BICD2: variants seen among roughly 807,000 people sequenced by gnomAD.
BICD2 encodes protein bicaudal D homolog 2.
Under a neutral mutation model 72.9 loss-of-function variants are expected in BICD2, and 25 were observed. The observed-to-expected ratio is 0.34, with a 90% CI of 0.25 to 0.48. The LOEUF is 0.48. Among genes scored for constraint, BICD2 ranks in the 20% least tolerant of loss-of-function variants. The probability of loss-of-function intolerance (pLI) is 0.99; values close to 1 mark genes in which losing one functional copy is unlikely to be tolerated. For synonymous variants in BICD2, 501 were observed against 516.1 expected (o/e 0.97, Z 0.40); for missense variants, 894 against 1,175.2 (o/e 0.76, Z 3.50).
intron 2 of BICD2, among the ~76,000 whole-genome samples, chr9:92,726,359 G>T (rs1202771009): frequency 6.6e-6 from 1 of 152,184 alleles, no homozygotes; most frequent in African/African-American, 2.4e-5. Flanking sequence ...GAAAAAAGGG[G>T]AGGGGCTGTT....
At chr9:92,743,952 G>A (rs1564069410) in intron 1 of BICD2, among the ~76,000 whole-genome samples, 1 of 152,208 alleles carries the variant, frequency 6.6e-6, no homozygotes, top group Non-Finnish European at 1.5e-5. Flanking sequence ...ATACTGATCA[G>A]AATGGCTAGT....
chr9:92,757,312 C>CAAAA lies in BICD2; in HGVS notation c.240+7189_240+7192dup, dbSNP rs1169381290. ...CTGGGCGACAGAACGAGACTGTCTC[C>CAAAA]AAAAAAAAAAAAAAAAAAAAAAAAA... is the stretch of plus-strand genomic sequence containing the variant. On this transcript the variant is annotated intron_variant, in intron 1 of 6. Transcript: ENST00000356884. Among the ~76,000 whole-genome samples, 170 of 52,732 alleles carry CAAAA rather than the reference C, an allele frequency of 3.2e-3. 7 individuals are homozygous for CAAAA. Among genetic ancestry groups the CAAAA allele is most frequent in the African/African-American group, 5.9e-3 (65 of 11,076 alleles). The allele number at this position is 52,732 out of a possible 152,430, so 34.6% of individuals were successfully genotyped here.
intron 1 of BICD2, among the ~76,000 whole-genome samples, chr9:92,755,101 C>A (rs1266774147): frequency 2.0e-5 from 3 of 152,192 alleles, no homozygotes; most frequent in Non-Finnish European, 4.4e-5. Context: ...AAAGAGAATG[C>A]ACACCTAGGG....
chr9:92,719,646 C>A, intron 4 of BICD2, 64 bp from the exon 5 acceptor site: 1 of 1,473,250 alleles, frequency 6.8e-7, no homozygotes, highest in Non-Finnish European at 9.0e-7. Flanking sequence ...CTTGGAGGAC[C>A]CCCAAGATGG....
intron 2 of BICD2, among the ~76,000 whole-genome samples, chr9:92,723,365 A>C (rs1472932751): frequency 2.0e-5 from 3 of 152,242 alleles, no homozygotes; most frequent in Non-Finnish European, 4.4e-5. Flanking sequence ...CACACAATGG[A>C]ATGTTGTTCA....
Position 92,743,377 on chromosome 9 carries a change from TA to T in BICD2, c.241-14142del, listed in dbSNP as rs758490395. 8.6e-4 allele frequency among the ~76,000 whole-genome samples: 127 copies of T among 148,468 alleles called. 2 individuals are homozygous for T. The highest frequency in any genetic ancestry group is 2.7e-3 in the African/African-American group (108 of 40,560). Reference sequence around the variant, plus strand: ...CAGCTTTTTTTTTTTTTTTTTTTTTTAAGAGATGGGGTCTCACTATGTTGCC... The same window carrying T: ...CAGCTTTTTTTTTTTTTTTTTTTTTTAGAGATGGGGTCTCACTATGTTGCC... On this transcript the variant is annotated intron_variant, in intron 1 of 6. Coordinates refer to ENST00000356884, the MANE Select transcript of BICD2 (RefSeq NM_001003800.2).
At position 92,714,053 on chromosome 9, in the gene BICD2, A is replaced by G; in HGVS notation, c.*1101T>C. 7.1e-6 allele frequency: 7 copies of G among 985,980 alleles called. No individual in the cohort carries two copies. Among genetic ancestry groups the G allele is most frequent in the Non-Finnish European group, 8.4e-6 (7 of 830,364 alleles). 61.1% of individuals were successfully genotyped at this position (985,980 alleles called of 1,614,324 possible). ...GGATGGAGCCTCTGGAAATGGGAGA[A>G]CCCTACAGCTACCTTTCCTCTTTCT... On this transcript the variant is annotated 3_prime_UTR_variant, in exon 7 of 7. Transcript: ENST00000356884.
chr9:92,739,726 C>G lies in BICD2; in HGVS notation c.241-10490G>C, dbSNP rs146562745. Reference sequence around the variant, plus strand: ...ACTGATCAAATGGCAGACTTGCCCCCCCAAAACTGCCACAAGCCACAGGGT... The same window carrying G: ...ACTGATCAAATGGCAGACTTGCCCCGCCAAAACTGCCACAAGCCACAGGGT... On this transcript the variant is annotated intron_variant, in intron 1 of 6. Coordinates refer to ENST00000356884, the MANE Select transcript of BICD2 (RefSeq NM_001003800.2). Among the ~76,000 whole-genome samples, 72 of 152,300 alleles carry G rather than the reference C, an allele frequency of 4.7e-4. No individual in the cohort carries two copies. The East Asian group carries it at 0.013, about 27-fold the overall frequency.
chr9:92,746,874 A>AACT (rs1854024481), intron 1 of BICD2, among the ~76,000 whole-genome samples: 1 of 152,220 alleles, frequency 6.6e-6, no homozygotes, highest in Non-Finnish European at 1.5e-5. Context: ...ACAACTGCAC[A>AACT]ACTGCGTGTG....
chr9:92,728,323 T>C (rs1285548858), intron 2 of BICD2, among the ~76,000 whole-genome samples: 4 of 152,244 alleles, frequency 2.6e-5, no homozygotes, highest in Non-Finnish European at 5.9e-5. Flanking sequence ...GACTTCATGT[T>C]CACAAGTCAT....
At chr9:92,739,349 G>A (rs533362222) in intron 1 of BICD2, among the ~76,000 whole-genome samples, 43 of 152,312 alleles carry the variant, frequency 2.8e-4, no homozygotes, top group African/African-American at 1.0e-3. Context: ...ACCCAAGTCC[G>A]AGGGCCTGTA....
chr9:92,738,858 T>C (rs148789728), intron 1 of BICD2, among the ~76,000 whole-genome samples: 1 of 152,356 alleles, frequency 6.6e-6, no homozygotes, highest in African/African-American at 2.4e-5. Context: ...GCAGGACTTG[T>C]TCCAGGATGC....
intron 1 of BICD2, among the ~76,000 whole-genome samples, chr9:92,748,831 A>G (rs1854078356): frequency 6.6e-6 from 1 of 152,144 alleles, no homozygotes; most frequent in South Asian, 2.1e-4. Flanking sequence ...CAAGCCCTGC[A>G]AAGTAAAAAC....
At chr9:92,757,811 G>A (rs982023537) in intron 1 of BICD2, among the ~76,000 whole-genome samples, 1 of 152,184 alleles carries the variant, frequency 6.6e-6, no homozygotes, top group Non-Finnish European at 1.5e-5. Flanking sequence ...GGCCACAGCT[G>A]CAAACTGCAG....
chr9:92,735,079 C>G (rs1462022024), intron 1 of BICD2, among the ~76,000 whole-genome samples: 9 of 152,236 alleles, frequency 5.9e-5, no homozygotes, highest in Admixed American at 5.9e-4. Context: ...CACTCTCTAC[C>G]CACTGCTCTG....
In BICD2 at chr9:92,719,192, C is replaced by A. The variant is rs199519253; in HGVS notation, c.1453G>T (p.Val485Phe). 26 of 1,610,782 alleles carry A rather than the reference C, an allele frequency of 1.6e-5. 1 individual carries two copies. In the African/African-American group the frequency reaches 3.1e-4, roughly 19 times the overall value. ...EAEGQALTEK[V>F]SLLEKASRQD... is the part of the protein sequence containing the mutation. ...CGGCTGGCCTTCTCTAGCAGGGAGACCTTCTCCGTGAGTGCCTGGCCCTCA... is the reference window on the plus strand; with the variant it reads ...CGGCTGGCCTTCTCTAGCAGGGAGAACTTCTCCGTGAGTGCCTGGCCCTCA... The change falls in exon 5 of 7, where the codon GTC becomes TTC. Residue 485 changes from valine (V) to phenylalanine (F), a missense_variant. Physicochemically the swap from Val to Phe is conservative, Grantham distance 50 (BLOSUM62 -1). Coordinates refer to ENST00000356884, the MANE Select transcript of BICD2 (RefSeq NM_001003800.2).
chr9:92,737,267 C>T (rs1036824899), intron 1 of BICD2, among the ~76,000 whole-genome samples: 2 of 152,172 alleles, frequency 1.3e-5, no homozygotes, highest in Non-Finnish European at 2.9e-5. Flanking sequence ...AATTCACTTA[C>T]CAGAGCCTAT....
At chr9:92,744,175 G>C (rs1169216783) in intron 1 of BICD2, among the ~76,000 whole-genome samples, 1 of 152,214 alleles carries the variant, frequency 6.6e-6, no homozygotes, top group African/African-American at 2.4e-5. Flanking sequence ...GGGTGAGGAA[G>C]GCGTGGTATA....
intron 2 of BICD2, among the ~76,000 whole-genome samples, chr9:92,727,491 A>G (rs934136076): frequency 1.3e-5 from 2 of 152,176 alleles, no homozygotes; most frequent in Admixed American, 1.3e-4. Flanking sequence ...GGCTCAGTGA[A>G]AGGCAAAGCC....
Sources: gnomAD v4.1 joint callset for allele counts (sites outside exome capture counted in the v4.1 genomes callset) on GRCh38, gnomAD v4.1.1 for gene constraint, MANE v1.5 for transcripts, NCBI Gene and HGNC (gene_info 2026-07-23, HGNC 2026-07-21) for gene names.